DCHS1: variants seen among roughly 807,000 people sequenced by gnomAD.
DCHS1 encodes the protein dachsous cadherin-related 1.
DCHS1 carries 78 observed loss-of-function variants against 213.9 expected under a neutral mutation model. The observed-to-expected ratio is 0.36, with a 90% CI of 0.30 to 0.44. DCHS1 has a LOEUF of 0.44. Ranked by LOEUF, DCHS1 falls within the 20% of genes least tolerant of loss-of-function variation. The pLI is 1.00. For missense variants in DCHS1, 3,946 were observed against 4,395.9 expected, an observed-to-expected ratio of 0.90 and a Z score of 2.89; for synonymous variants, 1,828 against 1,873.7, an observed-to-expected ratio of 0.98 and a Z score of 0.63.
chr11:6,626,349 T>C lies in DCHS1; in HGVS notation c.6396A>G (p.Leu2132=), dbSNP rs1855803886. Residue 2132 remains leucine, a synonymous_variant, in exon 16 of 21, where the codon CTA becomes CTG. Coordinates refer to ENST00000299441, the MANE Select transcript of DCHS1 (RefSeq NM_003737.4). The surrounding 1 kb of genome is among the most constrained non-coding windows in gnomAD (Gnocchi z 5.2). Reference sequence around the variant, plus strand: ...GCAGCCGTGGACTCACCTCGAAGTCTAGCCCCTCTGCTGAGCGAACTGTGA... The same window carrying C: ...GCAGCCGTGGACTCACCTCGAAGTCCAGCCCCTCTGCTGAGCGAACTGTGA... ...GAITVRSAEG[L]DFEVSPRLRL... The C allele has an allele frequency of 3.1e-6, 5 of 1,613,578 alleles. No homozygotes were observed. The highest frequency in any genetic ancestry group is 1.3e-5 in the African/African-American group (1 of 74,930).
In DCHS1 at chr11:6,628,120, A is replaced by G. The variant is rs1272954017; in HGVS notation, c.5372-453T>C. ...ATTCAGTTTGTTCTGGCTATCTTCAATTATACCTGCTTTAATCTCTGAAAT... is the reference window on the plus strand; with the variant it reads ...ATTCAGTTTGTTCTGGCTATCTTCAGTTATACCTGCTTTAATCTCTGAAAT... On this transcript the variant is annotated intron_variant, in intron 13 of 20. Transcript: ENST00000299441. This position sits in a 1 kb window ranked among gnomAD's most constrained non-coding sequence, Gnocchi z 4.3. Among the ~76,000 whole-genome samples, 1 of 152,244 alleles carries G rather than the reference A, an allele frequency of 6.6e-6. No individual in the cohort carries two copies. The highest frequency in any genetic ancestry group is 1.5e-5 in the Non-Finnish European group (1 of 68,036).
At chr11:6,649,195 T>A (rs1026708749) in intron 1 of DCHS1, among the ~76,000 whole-genome samples, 3 of 151,102 alleles carry the variant, frequency 2.0e-5, no homozygotes, top group African/African-American at 7.3e-5. Flanking sequence ...CAGAGAGACA[T>A]TTAGAATGAT....
intron 2 of DCHS1, among the ~76,000 whole-genome samples, chr11:6,639,048 T>C (rs927118584): frequency 2.0e-5 from 3 of 151,448 alleles, no homozygotes; most frequent in Admixed American, 2.0e-4. Flanking sequence ...GAGGCAGACT[T>C]GCAGTGAGCC....
In DCHS1 at chr11:6,621,500, G is replaced by A; in HGVS notation, c.*279C>T. 3.5e-6 allele frequency: 2 copies of A among 569,544 alleles called. No individual in the cohort carries two copies. The highest frequency in any genetic ancestry group is 6.5e-6 in the Non-Finnish European group (2 of 306,788). 35.3% of individuals were successfully genotyped at this position (569,544 alleles called of 1,614,324 possible). A position where few individuals can be genotyped will look rare whatever the true frequency, so the allele number is the denominator to read the frequency against. ...TAAAGTCTCAGCTCCATCTCAGGGT[G>A]CTGGTGCAGGGCAGGGATCCCTCAC... is the stretch of plus-strand genomic sequence containing the variant. On this transcript the variant is annotated 3_prime_UTR_variant, in exon 21 of 21. Coordinates refer to ENST00000299441, the MANE Select transcript of DCHS1 (RefSeq NM_003737.4).
At position 6,628,950 on chromosome 11, in the gene DCHS1, A is replaced by C; in HGVS notation, c.5162-120T>G. 3 of 1,046,018 alleles carry C rather than the reference A, an allele frequency of 2.9e-6. No homozygotes were observed. Among genetic ancestry groups the C allele is most frequent in the Non-Finnish European group, 4.3e-6 (3 of 697,842 alleles). The allele number at this position is 1,046,018 out of a possible 1,614,324, so 64.8% of individuals were successfully genotyped here. On this transcript the variant is annotated intron_variant, in intron 12 of 20. Coordinates refer to ENST00000299441, the MANE Select transcript of DCHS1 (RefSeq NM_003737.4). This position sits in a 1 kb window ranked among gnomAD's most constrained non-coding sequence, Gnocchi z 4.3. ...CAAACCAGAAAATGTCCATCTCTCC[A>C]TACCTCTCAGGCACACATGTGTCAT...
chr11:6,632,929 C>T lies in DCHS1; in HGVS notation c.2583G>A (p.Leu861=). Residue 861 remains leucine (L), a synonymous_variant, in exon 6 of 21, where the codon TTG becomes TTA. Transcript: ENST00000299441. This position sits in a 1 kb window ranked among gnomAD's most constrained non-coding sequence, Gnocchi z 5.9. ...PLDRELLGPV[L]ELEVRAGSGV... ...CACTGCCTGCTCGCACCTCCAGCTC[C>T]AACACTGGTCCCAGTAGCTCCCGGT... The T allele has an allele frequency of 6.2e-7, 1 of 1,613,946 alleles. No individual in the cohort carries two copies. The highest frequency in any genetic ancestry group is 2.2e-5 in the East Asian group (1 of 44,896).
rs1314305685 is a variant in DCHS1 at position 6,633,644 on chromosome 11, C to T, written c.2223G>A (p.Leu741=). ...PLFTLDEQSG[L]LTVAWPLARR... is the part of the protein sequence containing the mutation. Reference sequence around the variant, plus strand: ...TGGCCAAGGGCCAGGCTACTGTCAACAGCCCTGAGAGGAAGAATAGAAGCA... The same window carrying T: ...TGGCCAAGGGCCAGGCTACTGTCAATAGCCCTGAGAGGAAGAATAGAAGCA... Residue 741 remains leucine (L), a synonymous_variant, in exon 5 of 21, where the codon CTG becomes CTA. Coordinates refer to ENST00000299441, the MANE Select transcript of DCHS1 (RefSeq NM_003737.4). 6.2e-7 allele frequency: 1 copy of T among 1,602,406 alleles called. No individual in the cohort carries two copies. The highest frequency in any genetic ancestry group is 8.5e-7 in the Non-Finnish European group (1 of 1,174,130).
chr11:6,653,700 G>C (rs1056930495), intron 1 of DCHS1, among the ~76,000 whole-genome samples: 2 of 152,110 alleles, frequency 1.3e-5, no homozygotes, highest in African/African-American at 4.8e-5. Context: ...TCTAGTTAGG[G>C]GCAATAATTT....
chr11:6,624,244 G>C lies in DCHS1; in HGVS notation c.7432C>G (p.His2478Asp), dbSNP rs1335608316. 3 of 1,612,300 alleles carry C rather than the reference G, an allele frequency of 1.9e-6. No homozygotes were observed. Among genetic ancestry groups the C allele is most frequent in the Admixed American group, 1.7e-5 (1 of 59,814 alleles). ...TGTGACAATGTGAAGCTCGGGGCGTGGTCGTTCTGGTCCTGCAGCTGCACG... is the reference window on the plus strand; with the variant it reads ...TGTGACAATGTGAAGCTCGGGGCGTCGTCGTTCTGGTCCTGCAGCTGCACG... The part of the protein sequence containing the change: ...VHVQLQDQND[H>D]APSFTLSHYR... Residue 2478 changes from histidine to aspartate, a missense_variant, in exon 21 of 21, where the codon CAC (histidine) becomes GAC (aspartate). Physicochemically the swap from His to Asp is moderately conservative, Grantham distance 81. Transcript: ENST00000299441.
At chr11:6,654,772 A>G (rs1164852450) in intron 1 of DCHS1, among the ~76,000 whole-genome samples, 9 of 152,114 alleles carry the variant, frequency 5.9e-5, no homozygotes, top group Non-Finnish European at 8.8e-5. Flanking sequence ...AGAAGTTGAC[A>G]TAAGCGACAA....
intron 12 of DCHS1, 79 bp downstream of exon 12, chr11:6,629,373 G>C: frequency 6.5e-7 from 1 of 1,536,024 alleles, no homozygotes; most frequent in Non-Finnish European, 8.8e-7. Context: ...CTAAAAGGTA[G>C]TACTTTGGGT....
In DCHS1 at chr11:6,622,561, C is replaced by T; in HGVS notation, c.9115G>A (p.Ala3039Thr). Residue 3039 changes from alanine to threonine, a missense_variant, in exon 21 of 21, where the codon GCA (alanine) becomes ACA (threonine). By Grantham distance (58) the Ala-to-Thr change is moderately conservative (BLOSUM62 0). Transcript: ENST00000299441. The surrounding 1 kb of genome is among the most constrained non-coding windows in gnomAD (Gnocchi z 5.4). ...ATCATGCGGATCTCATCATCCTCTG[C>T]AGCCTCTGCTGATCCTCGGCCACTT... is the stretch of plus-strand genomic sequence containing the variant. ...HSSGRGSAEA[A>T]EDDEIRMINE... 2.5e-6 allele frequency: 4 copies of T among 1,580,830 alleles called. No homozygotes were observed. The highest frequency in any genetic ancestry group is 2.3e-5 in the East Asian group (1 of 43,262).
At position 6,632,796 on chromosome 11, in the gene DCHS1, T is replaced by A; in HGVS notation, c.2716A>T (p.Asn906Tyr). The A allele has an allele frequency of 6.2e-7, 1 of 1,613,892 alleles. No individual in the cohort carries two copies. Among genetic ancestry groups the A allele is most frequent in the Non-Finnish European group, 8.5e-7 (1 of 1,179,836 alleles). The change falls in exon 6 of 21, where the codon AAC becomes TAC. Residue 906 changes from asparagine to tyrosine, a missense_variant. Transcript: ENST00000299441. The surrounding 1 kb of genome is among the most constrained non-coding windows in gnomAD (Gnocchi z 5.9). ...TAGATGGGAGTCCCTGGGGCAGTGT[T>A]TGGTGGTAGCAATACCGTGTCTTCA... ...APEDTVLLPP[N>Y]TAPGTPIYTL...
chr11:6,627,193 G>A lies in DCHS1; in HGVS notation c.5846C>T (p.Thr1949Met), dbSNP rs4758443. The A allele has an allele frequency of 0.36, 578,455 of 1,612,666 alleles. 106,094 individuals are homozygous for A. Among genetic ancestry groups the A allele is most frequent in the East Asian group, 0.46 (20,479 of 44,838 alleles). ...TGCATGGTCATTGACATCGCGCACC[G>A]TGATGGTGACAGACACTGTGGTGCT... ...PLSTTVSVTI[T>M]VRDVNDHAPT... Residue 1949 changes from threonine to methionine, a missense_variant, in exon 14 of 21, where the codon ACG becomes ATG. By Grantham distance (81) the Thr-to-Met change is moderately conservative (BLOSUM62 -1). Coordinates refer to ENST00000299441, the MANE Select transcript of DCHS1 (RefSeq NM_003737.4). This position sits in a 1 kb window ranked among gnomAD's most constrained non-coding sequence, Gnocchi z 5.4.
intron 1 of DCHS1, among the ~76,000 whole-genome samples, chr11:6,645,247 G>T (rs957255225): frequency 6.6e-6 from 1 of 152,204 alleles, no homozygotes; most frequent in African/African-American, 2.4e-5. Flanking sequence ...AGGTCAGAGG[G>T]ATTCAGAACA....
At chr11:6,644,987 G>C (rs1451047949) in intron 1 of DCHS1, among the ~76,000 whole-genome samples, 3 of 152,220 alleles carry the variant, frequency 2.0e-5, no homozygotes, top group African/African-American at 7.2e-5. Context: ...AAAAGAGCAG[G>C]GGCTTTGGAG....
Position 6,627,354 on chromosome 11 carries a change from G to T in DCHS1, c.5685C>A (p.Gly1895=). 6.2e-7 allele frequency: 1 copy of T among 1,607,716 alleles called. No individual in the cohort carries two copies. Among genetic ancestry groups the T allele is most frequent in the Non-Finnish European group, 8.5e-7 (1 of 1,177,136 alleles). The change falls in exon 14 of 21, where the codon GGC becomes GGA. Residue 1895 remains glycine, a synonymous_variant. Coordinates refer to ENST00000299441, the MANE Select transcript of DCHS1 (RefSeq NM_003737.4). The surrounding 1 kb of genome is among the most constrained non-coding windows in gnomAD (Gnocchi z 5.4). Reference sequence around the variant, plus strand: ...GCAGGAAGGCTCCTGCTGTACCGGCGCCCAGGTAGTAGGTCACATGGCCAT... The same window carrying T: ...GCAGGAAGGCTCCTGCTGTACCGGCTCCCAGGTAGTAGGTCACATGGCCAT... ...GANGHVTYYL[G]AGTAGAFLLE...
In DCHS1 at chr11:6,622,297, G is replaced by A; in HGVS notation, c.9379C>T (p.Pro3127Ser). 3 of 1,606,988 alleles carry A rather than the reference G, an allele frequency of 1.9e-6. No homozygotes were observed. The highest frequency in any genetic ancestry group is 2.5e-6 in the Non-Finnish European group (3 of 1,177,170). Residue 3127 changes from proline to serine, a missense_variant, in exon 21 of 21, where the codon CCT becomes TCT. Pro to Ser is a moderately conservative substitution (Grantham distance 74). Coordinates refer to ENST00000299441, the MANE Select transcript of DCHS1 (RefSeq NM_003737.4). The surrounding 1 kb of genome is among the most constrained non-coding windows in gnomAD (Gnocchi z 5.4). ...TAFLGGCGLS[P>S]APTGDYGFPA... ...AAGCCATAGTCCCCAGTGGGTGCAG[G>A]GCTCAGGCCACAGCCCCCCAGGAAG...
Position 6,640,147 on chromosome 11 carries a change from G to T in DCHS1, c.1467C>A (p.Gly489=), listed in dbSNP as rs139297616. The T allele has an allele frequency of 5.0e-5, 80 of 1,613,624 alleles. No individual in the cohort carries two copies. The highest frequency in any genetic ancestry group is 6.0e-5 in the Non-Finnish European group (71 of 1,179,782). The change falls in exon 2 of 21, where the codon GGC becomes GGA. Residue 489 remains glycine (G), a synonymous_variant. Transcript: ENST00000299441. This position sits in a 1 kb window ranked among gnomAD's most constrained non-coding sequence, Gnocchi z 6.5. The part of the protein sequence containing the change: ...PEPLPEVALP[G]SFVVRVTARD... The stretch of plus-strand genomic sequence containing the variant: ...GAGCAGTCACCCGCACTACAAAGCT[G>T]CCAGGCAGCGCAACCTCAGGCAGGG...
Sources: gnomAD v4.1 joint callset for allele counts (sites outside exome capture counted in the v4.1 genomes callset) on GRCh38, gnomAD v4.1.1 for gene constraint, Gnocchi (gnomAD v3.1) non-coding constraint, MANE v1.5 for transcripts, NCBI Gene and HGNC (gene_info 2026-07-23, HGNC 2026-07-21) for gene names.